The following IGLL5 variants were observed in gnomAD, a reference collection of about 807,000 sequenced individuals.
IGLL5 encodes the protein immunoglobulin lambda-like polypeptide 5.
A neutral mutation model predicts 20.9 loss-of-function variants in IGLL5; 30 were observed. The observed-to-expected ratio is 1.44, with a 90% CI of 1.07 to 1.95. The LOEUF is 1.95. Among genes scored for constraint, IGLL5 ranks in the 30% most tolerant of loss-of-function variants. The pLI, the probability that IGLL5 is intolerant of heterozygous loss-of-function variation, is 0.00. For missense variants in IGLL5, 475 were observed against 270.7 expected, an observed-to-expected ratio of 1.75 and a Z score of -5.30; for synonymous variants, 203 against 117.3, an observed-to-expected ratio of 1.73 and a Z score of -4.72.
chr22:22,892,750 C>G (rs2067887577), intron 1 of IGLL5, among the ~76,000 whole-genome samples: 1 of 150,828 alleles, frequency 6.6e-6, no homozygotes, highest in African/African-American at 2.4e-5. Context: ...GACCCCTGGA[C>G]AGTTGTGAGT....
At chr22:22,889,629 T>G (rs2067740890) in intron 1 of IGLL5, among the ~76,000 whole-genome samples, 1 of 151,318 alleles carries the variant, frequency 6.6e-6, no homozygotes. Context: ...GATCTGTTGC[T>G]CAGGCTGGAG....
At chr22:22,889,851 T>C (rs1427047679) in intron 1 of IGLL5, among the ~76,000 whole-genome samples, 1 of 151,292 alleles carries the variant, frequency 6.6e-6, no homozygotes, top group Admixed American at 6.6e-5. Context: ...TCTGCCTCAG[T>C]TTCCCACGTG....
At chr22:22,888,525 A>C (rs558491823) in intron 1 of IGLL5, among the ~76,000 whole-genome samples, 2 of 151,332 alleles carry the variant, frequency 1.3e-5, no homozygotes, top group East Asian at 2.0e-4. Flanking sequence ...CAGTGCCTCA[A>C]TCACCTAGTC....
chr22:22,887,986 C>T lies in IGLL5; in HGVS notation c.-68C>T, dbSNP rs2067556199. 2 of 1,281,424 alleles carry T rather than the reference C, an allele frequency of 1.6e-6. No individual in the cohort carries two copies. Among genetic ancestry groups the T allele is most frequent in the Admixed American group, 2.0e-5 (1 of 50,450 alleles). 79.4% of individuals were successfully genotyped at this position (1,281,424 alleles called of 1,614,324 possible). A position where few individuals can be genotyped will look rare whatever the true frequency, so the allele number is the denominator to read the frequency against. Reference sequence around the variant, plus strand: ...TAACAGCCCTGCTGGCGAGAGGGACCAGGGCACCGTCCTCCAGGGAGCCCA... The same window carrying T: ...TAACAGCCCTGCTGGCGAGAGGGACTAGGGCACCGTCCTCCAGGGAGCCCA... On this transcript the variant is annotated 5_prime_UTR_variant, in exon 1 of 3. Transcript: ENST00000526893.
At chr22:22,893,876 T>A (rs2067939316) in intron 2 of IGLL5, 58 bp downstream of exon 2, 5 of 1,206,144 alleles carry the variant, frequency 4.1e-6, no homozygotes, top group Admixed American at 3.4e-5. Flanking sequence ...CTGGAAAATC[T>A]GTTTTCTCTC....
At chr22:22,889,109 G>T (rs533073395) in intron 1 of IGLL5, among the ~76,000 whole-genome samples, 2 of 151,202 alleles carry the variant, frequency 1.3e-5, no homozygotes, top group African/African-American at 4.8e-5. Context: ...TTGTGTTTTT[G>T]GAAAAATCAG....
chr22:22,887,913 C>A lies in IGLL5; in HGVS notation c.-141C>A. On this transcript the variant is annotated 5_prime_UTR_variant, in exon 1 of 3. Transcript: ENST00000526893. ...AAGGGCCTGGGCTAGGGACAGGGAC[C>A]AGAGCCAGTCCAGGGAGAGGACAGA... 4 of 741,498 alleles carry A rather than the reference C, an allele frequency of 5.4e-6. No homozygotes were observed. In the South Asian group the frequency reaches 6.2e-5, roughly 12 times the overall value. The allele number at this position is 741,498 out of a possible 1,614,324, so 45.9% of individuals were successfully genotyped here.
chr22:22,893,780 G>GAGGCC lies in IGLL5; in HGVS notation c.287_288insAGGCC (p.Cys96Ter). The stretch of plus-strand genomic sequence containing the variant: ...TTTTGGTCTGAGCCTCAGTCACTGT[G>GAGGCC]TTATGTCTTCGGAACTGGGACCAAG... On this transcript the variant is annotated stop_gained and frameshift_variant, in exon 2 of 3. Transcript: ENST00000526893. LOFTEE classifies it high-confidence loss of function. 1 of 1,605,460 alleles carries GAGGCC rather than the reference G, an allele frequency of 6.2e-7. No individual in the cohort carries two copies.
chr22:22,893,929 A>G (rs1337377998), intron 2 of IGLL5, 111 bp downstream of exon 2: 6 of 801,812 alleles, frequency 7.5e-6, no homozygotes, highest in Admixed American at 1.9e-5. Flanking sequence ...TTAAGCACTG[A>G]CCCTTACCTT....
intron 2 of IGLL5, 142 bp downstream of exon 2, chr22:22,893,960 G>A (rs1198262247): frequency 5.4e-5 from 38 of 698,616 alleles, no homozygotes; most frequent in Admixed American, 1.1e-4. Flanking sequence ...GCCTGGAGGA[G>A]GTGCATTAGT....
intron 1 of IGLL5, among the ~76,000 whole-genome samples, chr22:22,888,608 C>A (rs555945454): frequency 2.0e-5 from 3 of 151,348 alleles, no homozygotes; most frequent in South Asian, 2.1e-4. Context: ...ACTGTCCCCA[C>A]AGGGTGCCCA....
At chr22:22,889,189 G>T (rs2067694529) in intron 1 of IGLL5, among the ~76,000 whole-genome samples, 2 of 151,238 alleles carry the variant, frequency 1.3e-5, no homozygotes, top group East Asian at 4.1e-4. Context: ...CAAGTCCAGG[G>T]TAGGTGGGGA....
intron 1 of IGLL5, among the ~76,000 whole-genome samples, chr22:22,890,740 T>C (rs1296579075): frequency 1.3e-5 from 2 of 151,192 alleles, no homozygotes; most frequent in African/African-American, 4.8e-5. Flanking sequence ...TGAATGGTAG[T>C]GCCTTCGCTC....
intron 1 of IGLL5, among the ~76,000 whole-genome samples, chr22:22,888,975 A>C (rs548464806): frequency 2.0e-5 from 3 of 151,304 alleles, no homozygotes; most frequent in East Asian, 2.0e-4. Context: ...AGAGCACAGG[A>C]TGAGGCTGGG....
At chr22:22,889,752 T>A (rs2067749785) in intron 1 of IGLL5, among the ~76,000 whole-genome samples, 1 of 151,306 alleles carries the variant, frequency 6.6e-6, no homozygotes, top group East Asian at 2.0e-4. Flanking sequence ...TACACCTGGC[T>A]AATTTTGATT....
At chr22:22,888,915 C>A (rs1601604947) in intron 1 of IGLL5, among the ~76,000 whole-genome samples, 2 of 151,290 alleles carry the variant, frequency 1.3e-5, no homozygotes, top group Admixed American at 1.3e-4. Flanking sequence ...TCGAGGGGCA[C>A]TGGCTGGTGA....
chr22:22,888,334 G>T, intron 1 of IGLL5, 75 bp downstream of exon 1: 2 of 1,402,674 alleles, frequency 1.4e-6, no homozygotes, highest in Non-Finnish European at 2.0e-6. Context: ...GGGGAGACAA[G>T]CCAGAGGAGT....
chr22:22,894,057 T>G (rs2067974505), intron 2 of IGLL5, among the ~76,000 whole-genome samples: 2 of 151,280 alleles, frequency 1.3e-5, no homozygotes, highest in East Asian at 2.0e-4. Flanking sequence ...TTGGGCAGGG[T>G]CAGGGCTCCT....
chr22:22,888,108 G>A lies in IGLL5; in HGVS notation c.55G>A (p.Gly19Ser), dbSNP rs560721747. The A allele has an allele frequency of 3.2e-6, 5 of 1,549,488 alleles. No homozygotes were observed. Among genetic ancestry groups the A allele is most frequent in the East Asian group, 2.5e-5 (1 of 40,688 alleles). ...TGAGACCCCTGAGGAGCTGGGCCCT[G>A]GTCCCAGGCAGCGCTGGCCCCTGCT... ...GCETPEELGP[G>S]PRQRWPLLLL... The change falls in exon 1 of 3, where the codon GGT (glycine) becomes AGT (serine). Residue 19 changes from glycine (G) to serine (S), a missense_variant. Physicochemically the swap from Gly to Ser is moderately conservative, Grantham distance 56. Transcript: ENST00000526893.
Sources: gnomAD v4.1 joint callset for allele counts (sites outside exome capture counted in the v4.1 genomes callset) on GRCh38, gnomAD v4.1.1 for gene constraint, MANE v1.5 for transcripts, NCBI Gene and HGNC (gene_info 2026-07-23, HGNC 2026-07-21) for gene names.